The following PRDM11 variants were observed in gnomAD, a reference collection of about 807,000 sequenced individuals.
PRDM11 encodes the protein PR/SET domain 11, also known as PR domain-containing protein 11.
In PRDM11, 20 loss-of-function variants were observed where a neutral mutation model predicts 97.8. That is an observed-to-expected ratio of 0.20 (90% CI 0.14 to 0.30). The LOEUF is 0.30. Ranked by LOEUF, PRDM11 falls within the 10% of genes least tolerant of loss-of-function variation. The pLI is 1.00. For missense variants in PRDM11, 1,139 were observed against 1,555.2 expected, an observed-to-expected ratio of 0.73 and a Z score of 4.50; for synonymous variants, 599 against 637.7, an observed-to-expected ratio of 0.94 and a Z score of 0.91.
chr11:45,189,252 A>G (rs1852823116), intron 4 of PRDM11, among the ~76,000 whole-genome samples: 1 of 152,206 alleles, frequency 6.6e-6, no homozygotes, highest in African/African-American at 2.4e-5. Context: ...GGCTTGTTCC[A>G]GAAGGGATTT....
At chr11:45,160,643 TC>T (rs1221481856) in intron 1 of PRDM11, among the ~76,000 whole-genome samples, 1 of 152,154 alleles carries the variant, frequency 6.6e-6, no homozygotes, top group Non-Finnish European at 1.5e-5. Context: ...CATTTAACCA[TC>T]CCCCCACCAC....
At chr11:45,123,892 G>T (rs1263047391) in intron 1 of PRDM11, among the ~76,000 whole-genome samples, 13 of 147,604 alleles carry the variant, frequency 8.8e-5, no homozygotes, top group Non-Finnish European at 1.4e-4. Flanking sequence ...AAAGTCATTG[G>T]TAGCTTGATG....
At chr11:45,108,267 G>C (rs977340552) in intron 1 of PRDM11, among the ~76,000 whole-genome samples, 3 of 152,158 alleles carry the variant, frequency 2.0e-5, no homozygotes, top group African/African-American at 7.2e-5. Context: ...CCATGAGTGT[G>C]ACCCGCTGCC....
chr11:45,216,557 T>C, intron 5 of PRDM11, among the ~76,000 whole-genome samples: 1 of 152,216 alleles, frequency 6.6e-6, no homozygotes, highest in East Asian at 1.9e-4. Flanking sequence ...TCTGGGGACC[T>C]AGCTGGCTTC....
chr11:45,194,590 C>CT (rs1183339151), intron 4 of PRDM11, among the ~76,000 whole-genome samples: 2,312 of 89,826 alleles, frequency 0.026, 295 homozygotes, highest in African/African-American at 0.031. Context: ...TTATTATCTT[C>CT]TGTTTTTTTT....
At chr11:45,181,460 G>T (rs1006860705) in intron 1 of PRDM11, among the ~76,000 whole-genome samples, 3 of 152,188 alleles carry the variant, frequency 2.0e-5, no homozygotes, top group African/African-American at 7.2e-5. Context: ...TTTGCCCTTT[G>T]GTCTAGGGGT....
chr11:45,192,075 G>T (rs542316032), intron 4 of PRDM11, among the ~76,000 whole-genome samples: 1 of 151,998 alleles, frequency 6.6e-6, no homozygotes, highest in Non-Finnish European at 1.5e-5. Context: ...AGCCGAACTA[G>T]GTTTTGAGGG....
chr11:45,197,494 G>A (rs1043487069), intron 4 of PRDM11, among the ~76,000 whole-genome samples: 1 of 152,032 alleles, frequency 6.6e-6, no homozygotes, highest in African/African-American at 2.4e-5. Context: ...CTTATGTTAA[G>A]TATTATCACA....
At chr11:45,200,323 A>G (rs1853282934) in intron 4 of PRDM11, among the ~76,000 whole-genome samples, 1 of 152,166 alleles carries the variant, frequency 6.6e-6, no homozygotes, top group South Asian at 2.1e-4. Flanking sequence ...TCAGTGTTGA[A>G]CCACAGGCCT....
At chr11:45,105,771 A>G (rs539382184) in intron 1 of PRDM11, among the ~76,000 whole-genome samples, 1 of 152,326 alleles carries the variant, frequency 6.6e-6, no homozygotes, top group East Asian at 1.9e-4. Context: ...CCTCTGCTAC[A>G]AGGCAGTGGA....
intron 5 of PRDM11, chr11:45,213,021 G>A (rs763039454): frequency 1.2e-5 from 5 of 411,474 alleles, no homozygotes; most frequent in East Asian, 7.3e-5. Context: ...ACCAGGTCTC[G>A]GAAGAGAAAG....
In PRDM11 at chr11:45,211,361, G is replaced by T. The variant is rs548570360; in HGVS notation, c.554+6583G>T. Among the ~76,000 whole-genome samples, 7 of 152,286 alleles carry T rather than the reference G, an allele frequency of 4.6e-5. No individual in the cohort carries two copies. In the South Asian group the frequency reaches 1.5e-3, roughly 32 times the overall value. On this transcript the variant is annotated intron_variant, in intron 5 of 7. Coordinates refer to ENST00000683152, the MANE Select transcript of PRDM11 (RefSeq NM_001384648.1). ...TGGGGGGTGGTTCTGAGTTGAGTCC[G>T]CAGATCCAGGCAGGGAGGGCTTGCC...
chr11:45,213,874 G>A lies in PRDM11; in HGVS notation c.555-5696G>A, dbSNP rs184576818. On this transcript the variant is annotated intron_variant, in intron 5 of 7. Transcript: ENST00000683152. The stretch of plus-strand genomic sequence containing the variant: ...TCAGAGGCCAGATCTGGAGTAGTGG[G>A]AAGAGGAGGCAGGGGGCAGGTCTTG... The A allele has an allele frequency of 3.2e-3, 1,255 of 390,378 alleles. 4 individuals are homozygous for A. The highest frequency in any genetic ancestry group is 5.0e-3 in the Non-Finnish European group (968 of 193,234). The allele number at this position is 390,378 out of a possible 1,614,324, so 24.2% of individuals were successfully genotyped here.
chr11:45,098,004 G>A (rs989693849), intron 1 of PRDM11, among the ~76,000 whole-genome samples: 1 of 152,204 alleles, frequency 6.6e-6, no homozygotes, highest in Non-Finnish European at 1.5e-5. Context: ...TCCATTCGTG[G>A]CTGCCCTGAA....
intron 1 of PRDM11, among the ~76,000 whole-genome samples, chr11:45,135,937 A>G (rs550645174): frequency 2.6e-5 from 4 of 152,352 alleles, no homozygotes; most frequent in African/African-American, 9.6e-5. Context: ...GTCCCAGCCA[A>G]GAGGGGCCTA....
intron 1 of PRDM11, among the ~76,000 whole-genome samples, chr11:45,109,581 G>GT (rs1852130936): frequency 6.6e-6 from 1 of 152,218 alleles, no homozygotes; most frequent in Non-Finnish European, 1.5e-5. Context: ...AGGAGGGAGA[G>GT]TATCTGTTCT....
intron 4 of PRDM11, among the ~76,000 whole-genome samples, chr11:45,190,168 A>G (rs973894543): frequency 6.7e-6 from 1 of 149,304 alleles, no homozygotes; most frequent in Non-Finnish European, 1.5e-5. Flanking sequence ...TTTTCTTGAG[A>G]TGGAGTCTCA....
At chr11:45,112,343 G>C (rs1415620261) in intron 1 of PRDM11, among the ~76,000 whole-genome samples, 3 of 152,252 alleles carry the variant, frequency 2.0e-5, no homozygotes, top group Non-Finnish European at 4.4e-5. Context: ...CTGGTTGGTT[G>C]ATGGGCACTT....
chr11:45,178,810 T>C (rs1048865600), intron 1 of PRDM11, among the ~76,000 whole-genome samples: 3 of 152,202 alleles, frequency 2.0e-5, no homozygotes, highest in Non-Finnish European at 4.4e-5. Flanking sequence ...TGGCTTGTCT[T>C]TCCCTAGTCT....
Sources: allele counts gnomAD v4.1 joint callset (sites outside exome capture counted in the v4.1 genomes callset), GRCh38; gene constraint gnomAD v4.1.1; transcripts MANE v1.5; gene names NCBI Gene and HGNC (gene_info 2026-07-23, HGNC 2026-07-21).